The following DLGAP2 variants were observed in gnomAD, a reference collection of about 807,000 sequenced individuals.
The protein encoded by DLGAP2 is DLG associated protein 2.
Under a neutral mutation model 100.3 loss-of-function variants are expected in DLGAP2, and 26 were observed. The ratio of observed to expected loss-of-function variants is 0.26; its 90% CI spans 0.19 to 0.36. DLGAP2 has a LOEUF of 0.36. Ranked by LOEUF, DLGAP2 falls within the 10% of genes least tolerant of loss-of-function variation. The probability of loss-of-function intolerance (pLI) is 1.00; values close to 1 mark genes in which losing one functional copy is unlikely to be tolerated. For missense variants in DLGAP2, 1,858 were observed against 1,453.2 expected, an observed-to-expected ratio of 1.28 and a Z score of -4.53; for synonymous variants, 886 against 630.1, an observed-to-expected ratio of 1.41 and a Z score of -6.08.
rs1482188060 is a variant in DLGAP2 at position 973,589 on chromosome 8, C to G, written c.73+65623C>G. On this transcript the variant is annotated intron_variant, in intron 2 of 14. Transcript: ENST00000637795. ...CTGGGCAGAGGCTGCAATCTCGGCA[C>G]TTTGGGAGGCCAAGGCAGGCGGCTG... 3.3e-5 allele frequency among the ~76,000 whole-genome samples: 5 copies of G among 152,348 alleles called. No homozygotes were observed. The East Asian group carries it at 9.6e-4, about 29-fold the overall frequency.
chr8:1,057,272 A>G (rs1304839811), intron 2 of DLGAP2, among the ~76,000 whole-genome samples: 3 of 152,252 alleles, frequency 2.0e-5, no homozygotes, highest in African/African-American at 7.2e-5. Context: ...TAGCACAGGT[A>G]AATTTAATTA....
intron 2 of DLGAP2, among the ~76,000 whole-genome samples, chr8:1,075,059 G>A (rs1030301932): frequency 3.3e-5 from 5 of 152,150 alleles, no homozygotes; most frequent in Admixed American, 1.3e-4. Context: ...TGCAGCGGGG[G>A]GTGGGGACCA....
intron 3 of DLGAP2, among the ~76,000 whole-genome samples, chr8:1,413,265 G>A (rs1796785548): frequency 1.3e-5 from 2 of 152,030 alleles, no homozygotes; most frequent in Admixed American, 6.6e-5. Context: ...AGTAAATAAA[G>A]GAAGAAGCAT....
intron 3 of DLGAP2, among the ~76,000 whole-genome samples, chr8:1,320,784 A>G (rs534621091): frequency 9.9e-5 from 15 of 152,198 alleles, no homozygotes; most frequent in African/African-American, 3.6e-4. Flanking sequence ...CCCCACAAGA[A>G]CAGTGTTGTG....
At position 1,040,852 on chromosome 8, in the gene DLGAP2, C is replaced by G. The variant is rs374962164; in HGVS notation, c.73+132886C>G. ...GGGAGGATATTTTTCATCACTGACT[C>G]CGAGGTGAGCTCTTATTCTTCCTCA... is the stretch of plus-strand genomic sequence containing the variant. On this transcript the variant is annotated intron_variant, in intron 2 of 14. Transcript: ENST00000637795. Among the ~76,000 whole-genome samples the G allele has an allele frequency of 2.8e-3, 425 of 152,280 alleles. 2 individuals are homozygous for G. The highest frequency in any genetic ancestry group is 9.9e-3 in the African/African-American group (410 of 41,556).
chr8:1,256,091 C>G (rs539556964), intron 2 of DLGAP2, among the ~76,000 whole-genome samples: 1 of 127,458 alleles, frequency 7.8e-6, no homozygotes, highest in African/African-American at 3.1e-5. Flanking sequence ...TCTTCTCCTG[C>G]CCGGGCGCTG....
Position 1,626,473 on chromosome 8 carries a change from G to A in DLGAP2, c.1443-267G>A, listed in dbSNP as rs541508653. ...GCTGTTCCCATCTGTACCCTGTGGT[G>A]GGTGCTCAGCCTCTGGGTGTGGGTT... On this transcript the variant is annotated intron_variant, in intron 6 of 14. Transcript: ENST00000637795. Among the ~76,000 whole-genome samples the A allele has an allele frequency of 4.9e-5, 5 of 102,820 alleles. No individual in the cohort carries two copies. In the South Asian group the frequency reaches 1.0e-3, roughly 21 times the overall value. The allele number at this position is 102,820 out of a possible 152,430, so 67.5% of individuals were successfully genotyped here. A position where few individuals can be genotyped will look rare whatever the true frequency, so the allele number is the denominator to read the frequency against.
At chr8:1,243,761 T>C (rs569819509) in intron 2 of DLGAP2, among the ~76,000 whole-genome samples, 2 of 152,246 alleles carry the variant, frequency 1.3e-5, no homozygotes, top group South Asian at 2.1e-4. Context: ...GCCTCTGCTG[T>C]CTCTTCTCTC....
chr8:1,289,594 G>T (rs903864972), intron 3 of DLGAP2, among the ~76,000 whole-genome samples: 1 of 152,186 alleles, frequency 6.6e-6, no homozygotes, highest in Non-Finnish European at 1.5e-5. Context: ...GTGCAGCCTT[G>T]GGAATATCTG....
chr8:968,054 AC>A (rs1799924399), intron 2 of DLGAP2, among the ~76,000 whole-genome samples: 1 of 151,096 alleles, frequency 6.6e-6, no homozygotes, highest in South Asian at 2.1e-4. Flanking sequence ...AGATGCACAC[AC>A]ATTGTTATTC....
intron 2 of DLGAP2, among the ~76,000 whole-genome samples, chr8:1,103,222 G>A (rs1427474532): frequency 6.6e-6 from 1 of 152,150 alleles, no homozygotes; most frequent in Non-Finnish European, 1.5e-5. Flanking sequence ...GGCTGCCCTG[G>A]GCGTCGTCTG....
chr8:1,276,233 A>G (rs985967878), intron 3 of DLGAP2, among the ~76,000 whole-genome samples: 2 of 151,168 alleles, frequency 1.3e-5, no homozygotes, highest in Non-Finnish European at 2.9e-5. Context: ...CTAGCTCTCA[A>G]TGTTATATTT....
chr8:1,058,664 C>T (rs1802957038), intron 2 of DLGAP2, among the ~76,000 whole-genome samples: 1 of 152,180 alleles, frequency 6.6e-6, no homozygotes, highest in South Asian at 2.1e-4. Context: ...GGTTGTTTAA[C>T]CTGTTGTCAT....
At chr8:1,551,790 C>T (rs970382533) in intron 5 of DLGAP2, among the ~76,000 whole-genome samples, 8 of 150,580 alleles carry the variant, frequency 5.3e-5, no homozygotes, top group South Asian at 2.1e-4. Context: ...GAGATCCACA[C>T]GGAATGATGA....
intron 1 of DLGAP2, among the ~76,000 whole-genome samples, chr8:791,658 T>C (rs1354139064): frequency 6.6e-6 from 1 of 152,216 alleles, no homozygotes; most frequent in Non-Finnish European, 1.5e-5. Context: ...AATCTTTGTT[T>C]TGATATATGC....
intron 2 of DLGAP2, among the ~76,000 whole-genome samples, chr8:1,201,894 G>A (rs1238079271): frequency 6.6e-6 from 1 of 152,116 alleles, no homozygotes; most frequent in African/African-American, 2.4e-5. Flanking sequence ...CATGTGGTGT[G>A]TATGTACATG....
chr8:1,149,255 C>A (rs1430530721), intron 2 of DLGAP2, among the ~76,000 whole-genome samples: 1 of 152,182 alleles, frequency 6.6e-6, no homozygotes, highest in Non-Finnish European at 1.5e-5. Flanking sequence ...ACGCCATTCT[C>A]CCGCCTCAGC....
chr8:1,269,500 A>G (rs1166773040), intron 3 of DLGAP2, among the ~76,000 whole-genome samples: 3 of 152,190 alleles, frequency 2.0e-5, no homozygotes, highest in African/African-American at 7.2e-5. Context: ...TTGTCTGTTT[A>G]TGTGACTGGG....
At chr8:1,293,255 C>T (rs561903636) in intron 3 of DLGAP2, among the ~76,000 whole-genome samples, 2 of 152,364 alleles carry the variant, frequency 1.3e-5, no homozygotes, top group South Asian at 2.1e-4. Flanking sequence ...CTCTCCCTCT[C>T]CTGGTGCAGT....
Sources: gnomAD v4.1 joint callset for allele counts (sites outside exome capture counted in the v4.1 genomes callset) on GRCh38, gnomAD v4.1.1 for gene constraint, MANE v1.5 for transcripts, NCBI Gene and HGNC (gene_info 2026-07-23, HGNC 2026-07-21) for gene names.